ZNF541: variants seen among roughly 807,000 people sequenced by gnomAD.
ZNF541 encodes zinc finger protein 541.
Under a neutral mutation model 123.5 loss-of-function variants are expected in ZNF541, and 23 were observed. That is an observed-to-expected ratio of 0.19 (90% CI 0.13 to 0.26). The LOEUF (loss-of-function observed/expected upper bound fraction) is 0.26. ZNF541 is among the 10% of genes least tolerant of loss of function. The pLI is 1.00. For missense variants in ZNF541, 1,612 were observed against 1,789.9 expected (o/e 0.90, Z 1.79); for synonymous variants, 751 against 754.5 (o/e 1.00, Z 0.08).
At chr19:47,529,775 T>C in intron 12 of ZNF541, 123 bp from the exon 13 acceptor site, 2 of 933,594 alleles carry the variant, frequency 2.1e-6, no homozygotes, top group Non-Finnish European at 3.2e-6. Context: ...CCCAGGGCTA[T>C]TCAAAGTTGC....
intron 1 of ZNF541, among the ~76,000 whole-genome samples, chr19:47,572,703 T>G (rs1388718672): frequency 1.7e-4 from 9 of 52,890 alleles, no homozygotes; most frequent in South Asian, 5.0e-4. Context: ...ATGCAGAAGG[T>G]GGGGAGGTCG....
At chr19:47,527,675 C>A (rs557311857) in intron 14 of ZNF541, among the ~76,000 whole-genome samples, 101 of 151,958 alleles carry the variant, frequency 6.6e-4, no homozygotes, top group African/African-American at 2.2e-3. Flanking sequence ...GGATTACAGG[C>A]GTGAGCCACT....
chr19:47,564,588 C>G (rs988099701), intron 2 of ZNF541, among the ~76,000 whole-genome samples: 6 of 152,112 alleles, frequency 3.9e-5, no homozygotes, highest in Admixed American at 3.9e-4. Context: ...CAGGGAAATG[C>G]AAATCAGAAC....
At chr19:47,529,059 C>CA (rs1568484537) in intron 13 of ZNF541, 21 bp from the exon 14 acceptor site, 1 of 1,535,884 alleles carries the variant, frequency 6.5e-7, no homozygotes, top group South Asian at 1.2e-5. Context: ...ACACAGCCAA[C>CA]AGGGGGAAGG....
chr19:47,565,444 T>G (rs1971225233), intron 2 of ZNF541, among the ~76,000 whole-genome samples: 1 of 152,182 alleles, frequency 6.6e-6, no homozygotes, highest in African/African-American at 2.4e-5. Context: ...CAAAAAGGAC[T>G]ACTTAATTGC....
intron 2 of ZNF541, among the ~76,000 whole-genome samples, chr19:47,569,402 T>C (rs577750969): frequency 6.6e-6 from 1 of 152,194 alleles, no homozygotes; most frequent in African/African-American, 2.4e-5. Context: ...ATGAGGTAAA[T>C]AGTCCAGAGA....
intron 5 of ZNF541, among the ~76,000 whole-genome samples, chr19:47,541,728 T>C (rs187786410): frequency 1.3e-5 from 2 of 152,126 alleles, no homozygotes; most frequent in East Asian, 1.9e-4. Context: ...CCCGCCAGGG[T>C]AGTTATAATT....
At chr19:47,558,476 A>G (rs1052796540) in intron 2 of ZNF541, among the ~76,000 whole-genome samples, 2 of 152,070 alleles carry the variant, frequency 1.3e-5, no homozygotes, top group Admixed American at 6.6e-5. Context: ...GTATTCAGAT[A>G]ATTAAAAAAT....
At chr19:47,548,295 T>C (rs1314508526) in intron 4 of ZNF541, among the ~76,000 whole-genome samples, 2 of 150,640 alleles carry the variant, frequency 1.3e-5, no homozygotes, top group African/African-American at 2.4e-5. Context: ...ATACAAAAAT[T>C]AGCTGGGCGG....
rs543620740 is a variant in ZNF541, at chr19:47,521,764, A to AC, written c.3711+89dup. 3.0e-5 allele frequency: 45 copies of AC among 1,519,018 alleles called. No homozygotes were observed. The East Asian group carries it at 8.1e-4, about 27-fold the overall frequency. 94.1% of individuals were successfully genotyped at this position (1,519,018 alleles called of 1,614,324 possible). A position where few individuals can be genotyped will look rare whatever the true frequency, so the allele number is the denominator to read the frequency against. On this transcript the variant is annotated intron_variant, in intron 15 of 16. Coordinates refer to ENST00000391901, the MANE Select transcript of ZNF541 (RefSeq NM_001277075.3). The surrounding 1 kb of genome is among the most constrained non-coding windows in gnomAD (Gnocchi z 4.2). ...GCAGGAAAACCCTTCCATCAGGAGC[A>AC]CCCCCGCCCTCTGACCCCACCGTCC... is the stretch of plus-strand genomic sequence containing the variant.
chr19:47,552,660 A>G (rs191888398), intron 3 of ZNF541, among the ~76,000 whole-genome samples: 2,593 of 130,428 alleles, frequency 0.02, 85 homozygotes, highest in African/African-American at 0.067. Context: ...GGAGAATGGC[A>G]TGAACCCGGG....
At chr19:47,554,313 C>T (rs1215704016) in intron 3 of ZNF541, among the ~76,000 whole-genome samples, 1 of 152,182 alleles carries the variant, frequency 6.6e-6, no homozygotes, top group Non-Finnish European at 1.5e-5. Context: ...CACTTGTAAT[C>T]CCAGCTACTC....
chr19:47,552,668 G>A lies in ZNF541; in HGVS notation c.307+2882C>T, dbSNP rs943279648. Among the ~76,000 whole-genome samples, 10 of 147,824 alleles carry A rather than the reference G, an allele frequency of 6.8e-5. 1 individual carries two copies. Among genetic ancestry groups the A allele is most frequent in the African/African-American group, 1.0e-4 (4 of 39,736 alleles). On this transcript the variant is annotated intron_variant, in intron 3 of 16. Coordinates refer to ENST00000391901, the MANE Select transcript of ZNF541 (RefSeq NM_001277075.3). ...TGAGGCAGGAGAATGGCATGAACCC[G>A]GGAGGCGGAGCTTGCAGTGAGCCGA...
intron 14 of ZNF541, among the ~76,000 whole-genome samples, chr19:47,525,932 A>C (rs1473500553): frequency 2.0e-5 from 3 of 151,714 alleles, no homozygotes; most frequent in African/African-American, 4.8e-5. Flanking sequence ...AAAAAAAAAA[A>C]AAAAAAAAAC....
In ZNF541 at chr19:47,521,801, T is replaced by C; in HGVS notation, c.3711+53A>G. ...TGACCCCACCGTCCAACTCAACGGG[T>C]AGCAGGCACTGGGAGGAGAGAAGAG... is the stretch of plus-strand genomic sequence containing the variant. On this transcript the variant is annotated intron_variant, in intron 15 of 16. Transcript: ENST00000391901. This position sits in a 1 kb window ranked among gnomAD's most constrained non-coding sequence, Gnocchi z 4.2. 5 of 1,539,064 alleles carry C rather than the reference T, an allele frequency of 3.2e-6. No homozygotes were observed. Among genetic ancestry groups the C allele is most frequent in the Non-Finnish European group, 4.4e-6 (5 of 1,139,376 alleles).
chr19:47,549,406 C>T lies in ZNF541; in HGVS notation c.387G>A (p.Lys129=), dbSNP rs1970502622. Residue 129 remains lysine, a synonymous_variant, in exon 4 of 17, where the codon AAG becomes AAA. Coordinates refer to ENST00000391901, the MANE Select transcript of ZNF541 (RefSeq NM_001277075.3). ...RATSGSARKG[K]RQHSSPQNPL... Reference sequence around the variant, plus strand: ...GGTTTTGAGGGGAACTGTGCTGCCGCTTTCCTTTCCTGGCACTCCCCGAGG... The same window carrying T: ...GGTTTTGAGGGGAACTGTGCTGCCGTTTTCCTTTCCTGGCACTCCCCGAGG... 6.4e-7 allele frequency: 1 copy of T among 1,551,734 alleles called. No individual in the cohort carries two copies. Among genetic ancestry groups the T allele is most frequent in the Non-Finnish European group, 8.7e-7 (1 of 1,147,014 alleles).
At chr19:47,572,124 G>C (rs1026710986) in intron 1 of ZNF541, among the ~76,000 whole-genome samples, 82 bp from the exon 2 acceptor site, 2 of 152,232 alleles carry the variant, frequency 1.3e-5, no homozygotes, top group African/African-American at 2.4e-5. Context: ...AAATGGAGAA[G>C]AGCAACAATT....
At position 47,520,799 on chromosome 19, in the gene ZNF541, C is replaced by T; in HGVS notation, c.*425G>A. The T allele has an allele frequency of 6.0e-6, 1 of 166,848 alleles. No individual in the cohort carries two copies. Among genetic ancestry groups the T allele is most frequent in the Non-Finnish European group, 1.3e-5 (1 of 77,260 alleles). The allele number at this position is 166,848 out of a possible 1,614,324, so 10.3% of individuals were successfully genotyped here. On this transcript the variant is annotated 3_prime_UTR_variant, in exon 17 of 17. Coordinates refer to ENST00000391901, the MANE Select transcript of ZNF541 (RefSeq NM_001277075.3). ...TGAATCTGGAAGGTAGAGTCCCCGC[C>T]CCAGGGAGGGGCCCAGCGTGTTGGA...
In ZNF541 at chr19:47,544,312, C is replaced by A; in HGVS notation, c.2217G>T (p.Arg739=). Residue 739 remains arginine (R), a synonymous_variant, in exon 5 of 17, where the codon CGG becomes CGT. Transcript: ENST00000391901. ...TKGEKGPACS[R]GGGYRLLGNP... ...TGCCCAAGAGCCGGTAGCCTCCACC[C>A]CGGGAGCAGGCTGGGCCCTTTTCAC... 1.3e-6 allele frequency: 2 copies of A among 1,551,692 alleles called. No individual in the cohort carries two copies. The highest frequency in any genetic ancestry group is 1.7e-6 in the Non-Finnish European group (2 of 1,147,010).
Sources: gnomAD v4.1 joint callset for allele counts (sites outside exome capture counted in the v4.1 genomes callset) on GRCh38, gnomAD v4.1.1 for gene constraint, Gnocchi (gnomAD v3.1) non-coding constraint, MANE v1.5 for transcripts, NCBI Gene and HGNC (gene_info 2026-07-23, HGNC 2026-07-21) for gene names.